Variants in KRT73 observed in about 807,000 individuals in gnomAD.
The protein encoded by KRT73 is keratin 73, also known as keratin, type II cytoskeletal 73.
KRT73 carries 44 observed loss-of-function variants against 47.2 expected under a neutral mutation model. The ratio of observed to expected loss-of-function variants is 0.93; its 90% CI spans 0.73 to 1.20. The LOEUF is 1.20. Ranked by LOEUF, KRT73 falls within the 50% of genes most tolerant of loss-of-function variation. The pLI, the probability that KRT73 is intolerant of heterozygous loss-of-function variation, is 0.00. For missense variants in KRT73, 713 were observed against 704.5 expected, an observed-to-expected ratio of 1.01 and a Z score of -0.14; for synonymous variants, 285 against 291.3, an observed-to-expected ratio of 0.98 and a Z score of 0.22.
chr12:52,610,062 C>CTGTTTGTTTGTT (rs61285190), intron 7 of KRT73: 2,690 of 158,622 alleles, frequency 0.017, 52 homozygotes, highest in African/African-American at 0.042. Flanking sequence ...TGTGTTTTGT[C>CTGTTTGTTTGTT]TGTTTGTTTG....
Position 52,616,155 on chromosome 12 carries a change from G to A in KRT73, c.662+11C>T, listed in dbSNP as rs758523078. The stretch of plus-strand genomic sequence containing the variant: ...GGGAGGCAGACCAGCCTGGAGTGGC[G>A]TCCTGCTCACCTCTTCTTGTAGTCC... On this transcript the variant is annotated intron_variant, in intron 2 of 8. Transcript: ENST00000305748. 2.5e-5 allele frequency: 41 copies of A among 1,613,930 alleles called. No homozygotes were observed. The highest frequency in any genetic ancestry group is 6.7e-5 in the East Asian group (3 of 44,884).
upstream of KRT73, among the ~76,000 whole-genome samples, chr12:52,620,378 A>G (rs1395518669): frequency 6.6e-6 from 1 of 152,078 alleles, no homozygotes; most frequent in African/African-American, 2.4e-5. Flanking sequence ...TGCTGGGATT[A>G]CAGGCGTGAG....
At chr12:52,620,998 C>T (rs1940895800), upstream of KRT73, among the ~76,000 whole-genome samples, 1 of 152,222 alleles carries the variant, frequency 6.6e-6, no homozygotes, top group Non-Finnish European at 1.5e-5. Context: ...TGGCAAAGGA[C>T]TCTCAGGCAG....
chr12:52,619,914 A>G (rs1940874595), upstream of KRT73, among the ~76,000 whole-genome samples: 1 of 152,190 alleles, frequency 6.6e-6, no homozygotes, highest in Admixed American at 6.5e-5. Flanking sequence ...ATTTCTGTAT[A>G]GAGGTTATGA....
At position 52,609,271 on chromosome 12, in the gene KRT73, C is replaced by G; in HGVS notation, c.1342G>C (p.Glu448Gln). 1.2e-6 allele frequency: 2 copies of G among 1,613,700 alleles called. No homozygotes were observed. The highest frequency in any genetic ancestry group is 3.3e-4 in the Middle Eastern group (2 of 6,060). The stretch of plus-strand genomic sequence containing the variant: ...CAAATGCTCACGGAGTTGGTATATT[C>G]TCCGGACATCCTGCAAGAGAGAAAA... Reference protein sequence around the residue: ...LEGEECRMSGEYTNSVSISVI... With the variant: ...LEGEECRMSGQYTNSVSISVI... Residue 448 changes from glutamate to glutamine, a missense_variant, in exon 8 of 9, where the codon GAA becomes CAA. Physicochemically the swap from Glu to Gln is conservative, Grantham distance 29. Coordinates refer to ENST00000305748, the MANE Select transcript of KRT73 (RefSeq NM_175068.3).
At chr12:52,611,155 G>A in intron 6 of KRT73, 49 bp downstream of exon 6, 2 of 1,605,632 alleles carry the variant, frequency 1.2e-6, no homozygotes, top group Non-Finnish European at 1.7e-6. Flanking sequence ...GTGCTAAGCA[G>A]TTCACCCCTC....
upstream of KRT73, among the ~76,000 whole-genome samples, chr12:52,620,109 C>CTTTTTTTTT (rs10638831): frequency 9.1e-3 from 861 of 94,238 alleles, 6 homozygotes; most frequent in Middle Eastern, 0.022. Context: ...TCCTTTTTTT[C>CTTTTTTTTT]TTTTTTTTTT....
chr12:52,619,968 C>G (rs1480441540), upstream of KRT73, among the ~76,000 whole-genome samples: 1 of 152,076 alleles, frequency 6.6e-6, no homozygotes, highest in African/African-American at 2.4e-5. Flanking sequence ...CAAATTCAAC[C>G]TCCCCTCTGT....
chr12:52,625,858 T>TA, the KRT73 span, among the ~76,000 whole-genome samples: 62,262 of 149,488 alleles, frequency 0.42, 13,332 homozygotes, highest in African/African-American at 0.46. Context: ...TTATACTGAG[T>TA]AAAAAAAAAA....
chr12:52,618,198 G>C lies in KRT73; in HGVS notation c.327C>G (p.Ile109Met), dbSNP rs1306859532. ...CPPGGIHQVT[I>M]NKSLLAPLNV... ...TCAGGGGTGCCAGGAGGCTCTTGTT[G>C]ATGGTGACCTGATGGATACCCCCGG... is the stretch of plus-strand genomic sequence containing the variant. The change falls in exon 1 of 9, where the codon ATC becomes ATG. Residue 109 changes from isoleucine to methionine, a missense_variant. By Grantham distance (10) the Ile-to-Met change is conservative. Transcript: ENST00000305748. 1 of 1,613,994 alleles carries C rather than the reference G, an allele frequency of 6.2e-7. No homozygotes were observed. The highest frequency in any genetic ancestry group is 1.3e-5 in the African/African-American group (1 of 74,922).
At chr12:52,623,975 A>C in the KRT73 span, among the ~76,000 whole-genome samples, 1 of 152,024 alleles carries the variant, frequency 6.6e-6, no homozygotes, top group Admixed American at 6.5e-5. Flanking sequence ...CTAATATATC[A>C]ATAATTATGT....
chr12:52,610,321 C>T, intron 7 of KRT73: 1 of 379,506 alleles, frequency 2.6e-6, no homozygotes, highest in African/African-American at 2.1e-5. Flanking sequence ...AGGTGATCCA[C>T]CCGCCTCAGC....
At position 52,618,275 on chromosome 12, in the gene KRT73, T is replaced by A. The variant is rs146699958; in HGVS notation, c.250A>T (p.Ser84Cys). The change falls in exon 1 of 9, where the codon AGC (serine) becomes TGC (cysteine). Residue 84 changes from serine (S) to cysteine (C), a missense_variant. Ser to Cys is a moderately radical substitution (Grantham distance 112). Coordinates refer to ENST00000305748, the MANE Select transcript of KRT73 (RefSeq NM_175068.3). ...CCCAAGGCCACACTGCCAAACATGC[T>A]GCCAGCAAAGCCACTGGCCCGGCCC... ...GRGRASGFAG[S>C]MFGSVALGSV... is the part of the protein sequence containing the mutation. 6.2e-7 allele frequency: 1 copy of A among 1,614,092 alleles called. No homozygotes were observed. Among genetic ancestry groups the A allele is most frequent in the Non-Finnish European group, 8.5e-7 (1 of 1,180,048 alleles).
In KRT73 at chr12:52,618,096, G is replaced by A. The variant is rs376096167; in HGVS notation, c.429C>T (p.Phe143=). The change falls in exon 1 of 9, where the codon TTC becomes TTT. Residue 143 remains phenylalanine, a synonymous_variant. Transcript: ENST00000305748. Reference sequence around the variant, plus strand: ...GACCCACCTTGTCAATGAAGGAGGCGAACTTGTTGTTCAGCACCTTGATCT... The same window carrying A: ...GACCCACCTTGTCAATGAAGGAGGCAAACTTGTTGTTCAGCACCTTGATCT... The part of the protein sequence containing the change: ...REQIKVLNNK[F]ASFIDKVRFL... The A allele has an allele frequency of 3.2e-5, 51 of 1,613,550 alleles. No homozygotes were observed. The highest frequency in any genetic ancestry group is 3.3e-5 in the South Asian group (3 of 90,968).
chr12:52,613,814 G>A lies in KRT73; in HGVS notation c.858C>T (p.Ser286=). 3 of 1,614,180 alleles carry A rather than the reference G, an allele frequency of 1.9e-6. No homozygotes were observed. Among genetic ancestry groups the A allele is most frequent in the Non-Finnish European group, 1.7e-6 (2 of 1,180,006 alleles). The stretch of plus-strand genomic sequence containing the variant: ...GGTTGTTGTCCATGGACAGGATGAT[G>A]GACGTGTCGCTGATGTGGGACTGGA... ...AQIQSHISDT[S]IILSMDNNRN... Residue 286 remains serine, a synonymous_variant, in exon 5 of 9, where the codon TCC becomes TCT. Transcript: ENST00000305748.
chr12:52,608,497 A>AAG, intron 8 of KRT73, 45 bp from the exon 9 acceptor site: 1 of 1,517,738 alleles, frequency 6.6e-7, no homozygotes, highest in Non-Finnish European at 8.8e-7. Context: ...ATCCCAGGAC[A>AAG]GAGGTGGCCT....
chr12:52,613,522 A>C, intron 5 of KRT73, 166 bp downstream of exon 5: 2 of 1,336,696 alleles, frequency 1.5e-6, no homozygotes, highest in South Asian at 1.5e-5. Context: ...GTGGGTGCCA[A>C]GGACAGAGCT....
At chr12:52,623,772 T>C in the KRT73 span, among the ~76,000 whole-genome samples, 2 of 152,062 alleles carry the variant, frequency 1.3e-5, no homozygotes, top group Non-Finnish European at 2.9e-5. Context: ...TAGACTGTGA[T>C]AAGTTATGTA....
chr12:52,609,845 A>C (rs1260885063), intron 7 of KRT73: 1 of 153,130 alleles, frequency 6.5e-6, no homozygotes, highest in Non-Finnish European at 1.5e-5. Flanking sequence ...TTTAAAAAGA[A>C]GTTTTTTATC....
Sources: allele counts gnomAD v4.1 joint callset (sites outside exome capture counted in the v4.1 genomes callset), GRCh38; gene constraint gnomAD v4.1.1; transcripts MANE v1.5; gene names NCBI Gene and HGNC (gene_info 2026-07-23, HGNC 2026-07-21).